The following FRMD6 variants were observed in gnomAD, a reference collection of about 807,000 sequenced individuals.
The protein encoded by FRMD6 is FERM domain containing 6.
Under a neutral mutation model 73.2 loss-of-function variants are expected in FRMD6, and 37 were observed. The ratio of observed to expected loss-of-function variants is 0.51; its 90% CI spans 0.39 to 0.66. FRMD6 has a LOEUF of 0.66. Ranked by LOEUF, FRMD6 falls within the 30% of genes least tolerant of loss-of-function variation. The pLI is 0.00. For missense variants in FRMD6, 714 were observed against 780.5 expected (o/e 0.91, Z 1.02); for synonymous variants, 273 against 282.2 (o/e 0.97, Z 0.33).
At chr14:51,585,960 T>TATATATATATATATATATATATA (rs369811499) in intron 2 of FRMD6, among the ~76,000 whole-genome samples, 1 of 91,292 alleles carries the variant, frequency 1.1e-5, no homozygotes, top group African/African-American at 3.6e-5. Context: ...TATATATATA[T>TATATATATATATATATATATATA]AACATTTTCT....
intron 2 of FRMD6, among the ~76,000 whole-genome samples, chr14:51,591,303 A>C (rs35794461): frequency 0.42 from 63,281 of 151,962 alleles, 13,591 homozygotes; most frequent in Middle Eastern, 0.5. Flanking sequence ...ACAAAAAAAA[A>C]CTTTACATTA....
At chr14:51,535,317 C>A (rs570487778) in intron 1 of FRMD6, among the ~76,000 whole-genome samples, 20 of 152,290 alleles carry the variant, frequency 1.3e-4, no homozygotes, top group African/African-American at 4.8e-4. Context: ...CTTTTACCAC[C>A]TCAAAAAGAA....
At chr14:51,493,874 CA>C (rs767532629) in intron 1 of FRMD6, among the ~76,000 whole-genome samples, 24 of 152,186 alleles carry the variant, frequency 1.6e-4, no homozygotes, top group Non-Finnish European at 3.4e-4. Context: ...GGCTTATGAA[CA>C]ATAGAAATTT....
At chr14:51,684,850 T>C (rs1486829119) in intron 1 of FRMD6, among the ~76,000 whole-genome samples, 1 of 152,168 alleles carries the variant, frequency 6.6e-6, no homozygotes, top group Non-Finnish European at 1.5e-5. Context: ...GTGCCTGTCA[T>C]TGGAGATTAA....
intron 2 of FRMD6, among the ~76,000 whole-genome samples, chr14:51,588,132 A>G (rs1303624757): frequency 6.6e-6 from 1 of 152,190 alleles, no homozygotes; most frequent in Non-Finnish European, 1.5e-5. Context: ...TTTAAGTAAT[A>G]TAGACATTTA....
At chr14:51,638,456 CT>C (rs1234501258) in intron 2 of FRMD6, among the ~76,000 whole-genome samples, 2 of 152,124 alleles carry the variant, frequency 1.3e-5, no homozygotes, top group East Asian at 1.9e-4. Flanking sequence ...CCTGGAGACA[CT>C]TACTGCCGGG....
chr14:51,588,268 GT>G (rs1566487025), intron 2 of FRMD6, among the ~76,000 whole-genome samples: 1 of 151,130 alleles, frequency 6.6e-6, no homozygotes, highest in Non-Finnish European at 1.5e-5. Flanking sequence ...TTGTTTTTTG[GT>G]TTTTTTAATT....
intron 9 of FRMD6, chr14:51,715,045 A>G (rs1352311441): frequency 4.2e-6 from 1 of 236,160 alleles, no homozygotes; most frequent in Non-Finnish European, 8.1e-6. Flanking sequence ...TATACAAATA[A>G]CCTGACCAGC....
At chr14:51,712,691 A>G in intron 9 of FRMD6, 140 bp downstream of exon 9, 1 of 632,718 alleles carries the variant, frequency 1.6e-6, no homozygotes, top group East Asian at 2.7e-5. Context: ...GACACTGAAG[A>G]TAATTTGCTT....
intron 2 of FRMD6, among the ~76,000 whole-genome samples, chr14:51,583,130 T>C (rs936905380): frequency 1.3e-5 from 2 of 152,198 alleles, no homozygotes; most frequent in African/African-American, 2.4e-5. Context: ...AGAATTCATC[T>C]ACAAAGAGTC....
intron 2 of FRMD6, among the ~76,000 whole-genome samples, chr14:51,587,796 A>C (rs1889140313): frequency 6.6e-6 from 1 of 152,206 alleles, no homozygotes; most frequent in South Asian, 2.1e-4. Context: ...AAATTAAAAT[A>C]TGAAGAAGAA....
chr14:51,646,543 A>C (rs1243620040), intron 2 of FRMD6, among the ~76,000 whole-genome samples: 1 of 151,418 alleles, frequency 6.6e-6, no homozygotes, highest in Non-Finnish European at 1.5e-5. Context: ...TTGCCTCCCA[A>C]CTCTGGGGTA....
rs1355217852 is a variant in FRMD6, at chr14:51,689,763, T to C, written c.-74T>C. 8.1e-6 allele frequency: 7 copies of C among 861,186 alleles called. No individual in the cohort carries two copies. The highest frequency in any genetic ancestry group is 3.4e-5 in the Admixed American group (2 of 58,716). The allele number at this position is 861,186 out of a possible 1,614,324, so 53.3% of individuals were successfully genotyped here. A position where few individuals can be genotyped will look rare whatever the true frequency, so the allele number is the denominator to read the frequency against. ...GTGTGATGAGGAGGCGAGCTTGGCT[T>C]TGGAGTGCTGGGAACCTGAGGAATT... On this transcript the variant is annotated 5_prime_UTR_variant, in exon 2 of 14. Coordinates refer to ENST00000344768, the MANE Select transcript of FRMD6 (RefSeq NM_001267046.2).
At chr14:51,619,422 G>A (rs1234975629) in intron 2 of FRMD6, among the ~76,000 whole-genome samples, 1 of 151,858 alleles carries the variant, frequency 6.6e-6, no homozygotes, top group Non-Finnish European at 1.5e-5. Context: ...GAAAGGTCCT[G>A]GCTTTCACCT....
intron 1 of FRMD6, among the ~76,000 whole-genome samples, chr14:51,529,946 A>T (rs1885487261): frequency 6.6e-6 from 1 of 152,230 alleles, no homozygotes; most frequent in Non-Finnish European, 1.5e-5. Flanking sequence ...GCTTTGTGAT[A>T]AGATGCCCTT....
chr14:51,653,243 G>A (rs1257925719), intron 1 of FRMD6, among the ~76,000 whole-genome samples: 4 of 152,260 alleles, frequency 2.6e-5, no homozygotes, highest in East Asian at 3.9e-4. Context: ...ACCGGGCAAT[G>A]TTTGTTTATG....
At chr14:51,586,635 A>C (rs1401977212) in intron 2 of FRMD6, among the ~76,000 whole-genome samples, 2 of 152,128 alleles carry the variant, frequency 1.3e-5, no homozygotes, top group Non-Finnish European at 2.9e-5. Flanking sequence ...GGACTTGCTA[A>C]AAAATTATTT....
At chr14:51,532,242 A>C (rs1487958729) in intron 1 of FRMD6, among the ~76,000 whole-genome samples, 2 of 151,746 alleles carry the variant, frequency 1.3e-5, no homozygotes, top group Non-Finnish European at 2.9e-5. Context: ...GGTGGCGGGC[A>C]CCTGTAGTCC....
chr14:51,721,018 GA>G (rs1257841515), intron 11 of FRMD6, among the ~76,000 whole-genome samples: 3 of 152,178 alleles, frequency 2.0e-5, no homozygotes, highest in Non-Finnish European at 4.4e-5. Flanking sequence ...AGGCTTGACG[GA>G]AAAGATAGAC....
Sources: gnomAD v4.1 joint callset for allele counts (sites outside exome capture counted in the v4.1 genomes callset) on GRCh38, gnomAD v4.1.1 for gene constraint, MANE v1.5 for transcripts, NCBI Gene and HGNC (gene_info 2026-07-23, HGNC 2026-07-21) for gene names.